Variants in TLN2 observed in about 807,000 individuals in gnomAD.
The protein encoded by TLN2 is talin-2.
TLN2 carries 118 observed loss-of-function variants against 294.7 expected under a neutral mutation model. That is an observed-to-expected ratio of 0.40 (90% CI 0.34 to 0.47). The LOEUF (loss-of-function observed/expected upper bound fraction) is 0.47. TLN2 is among the 20% of genes least tolerant of loss of function. The pLI is 0.84. For missense variants in TLN2, 3,083 were observed against 3,282.2 expected, an observed-to-expected ratio of 0.94 and a Z score of 1.48; for synonymous variants, 1,431 against 1,304.5, an observed-to-expected ratio of 1.10 and a Z score of -2.09.
chr15:62,735,281 C>T (rs1488944811), intron 28 of TLN2, among the ~76,000 whole-genome samples: 1 of 152,204 alleles, frequency 6.6e-6, no homozygotes, highest in South Asian at 2.1e-4. Context: ...AGTCTTCATC[C>T]TCTTCTTGGG....
chr15:62,824,053 G>T, intron 54 of TLN2: 1 of 502,020 alleles, frequency 2.0e-6, no homozygotes, highest in Non-Finnish European at 4.1e-6. Context: ...TGTCTCCGGG[G>T]GTTCCTAATA....
chr15:62,473,324 C>T (rs1055765078), intron 1 of TLN2, among the ~76,000 whole-genome samples: 1 of 151,944 alleles, frequency 6.6e-6, no homozygotes, highest in Non-Finnish European at 1.5e-5. Context: ...CTTGGAGGTC[C>T]CTGTCACTAA....
At chr15:62,517,042 A>G (rs964906486) in intron 1 of TLN2, among the ~76,000 whole-genome samples, 2 of 152,304 alleles carry the variant, frequency 1.3e-5, no homozygotes, top group East Asian at 1.9e-4. Flanking sequence ...CACTGTTACT[A>G]TTTCATTGAA....
chr15:62,420,939 C>G (rs1207247129), intron 1 of TLN2, among the ~76,000 whole-genome samples: 1 of 152,070 alleles, frequency 6.6e-6, no homozygotes, highest in Non-Finnish European at 1.5e-5. Flanking sequence ...TACTGAGGCT[C>G]CAGAGAAAGG....
intron 3 of TLN2, among the ~76,000 whole-genome samples, chr15:62,628,294 G>C (rs1212521701): frequency 6.6e-6 from 1 of 152,204 alleles, no homozygotes; most frequent in South Asian, 2.1e-4. Context: ...ACCTATGGGG[G>C]CTTCCCTGCC....
chr15:62,411,320 A>G (rs960880863), intron 1 of TLN2, among the ~76,000 whole-genome samples: 6 of 152,114 alleles, frequency 3.9e-5, no homozygotes, highest in Admixed American at 2.0e-4. Context: ...TCCCCAAGTA[A>G]TGAAGTTATT....
chr15:62,395,438 G>A (rs868472524), intron 1 of TLN2, among the ~76,000 whole-genome samples: 1 of 151,918 alleles, frequency 6.6e-6, no homozygotes, highest in Non-Finnish European at 1.5e-5. Context: ...CTTTTAAAAG[G>A]TTGGTAATAC....
chr15:62,787,982 G>A (rs2064813772), intron 45 of TLN2, among the ~76,000 whole-genome samples: 1 of 149,990 alleles, frequency 6.7e-6, no homozygotes, highest in Non-Finnish European at 1.5e-5. Flanking sequence ...GTGAGCCACT[G>A]TGGCCAGTCT....
chr15:62,756,010 G>T (rs528805499), intron 37 of TLN2, among the ~76,000 whole-genome samples: 3 of 152,282 alleles, frequency 2.0e-5, no homozygotes, highest in East Asian at 1.9e-4. Flanking sequence ...CTGTGCTTGC[G>T]TAGCAAATAC....
intron 32 of TLN2, among the ~76,000 whole-genome samples, chr15:62,747,363 T>C (rs2140986388): frequency 6.6e-6 from 1 of 152,338 alleles, no homozygotes; most frequent in South Asian, 2.1e-4. Context: ...TCTGTTAATG[T>C]TAACAAAGAA....
At chr15:62,402,816 C>A (rs925806890) in intron 1 of TLN2, among the ~76,000 whole-genome samples, 1 of 152,184 alleles carries the variant, frequency 6.6e-6, no homozygotes, top group Non-Finnish European at 1.5e-5. Flanking sequence ...CCAGCACACA[C>A]GTGTGAATGA....
chr15:62,411,426 T>G (rs2033767693), intron 1 of TLN2, among the ~76,000 whole-genome samples: 1 of 135,134 alleles, frequency 7.4e-6, no homozygotes, highest in African/African-American at 2.8e-5. Flanking sequence ...GTGTGAGTAA[T>G]GGATGTGTGT....
intron 1 of TLN2, among the ~76,000 whole-genome samples, chr15:62,457,910 G>C (rs1473605367): frequency 1.3e-5 from 2 of 152,182 alleles, no homozygotes; most frequent in Non-Finnish European, 2.9e-5. Context: ...TGTGTTGCTT[G>C]TCGTGACTTA....
intron 52 of TLN2, among the ~76,000 whole-genome samples, chr15:62,810,308 G>A (rs2066593494): frequency 6.6e-6 from 1 of 152,184 alleles, no homozygotes; most frequent in South Asian, 2.1e-4. Context: ...GGAAGAGGGA[G>A]CAGAGTGAAG....
intron 1 of TLN2, among the ~76,000 whole-genome samples, chr15:62,572,111 T>A (rs1216898025): frequency 1.3e-5 from 2 of 152,170 alleles, no homozygotes; most frequent in Non-Finnish European, 2.9e-5. Context: ...TCTTTCCAGG[T>A]TCTCTAGCTT....
chr15:62,518,874 A>C (rs1394341058), intron 1 of TLN2, among the ~76,000 whole-genome samples: 2 of 152,218 alleles, frequency 1.3e-5, no homozygotes, highest in African/African-American at 4.8e-5. Flanking sequence ...CAGGGATTAT[A>C]GGAGTGAGCC....
chr15:62,471,405 G>T (rs2037466354), intron 1 of TLN2, among the ~76,000 whole-genome samples: 1 of 152,172 alleles, frequency 6.6e-6, no homozygotes, highest in Non-Finnish European at 1.5e-5. Context: ...GAAGCTTTAG[G>T]TCATATATGA....
At chr15:62,676,697 C>G (rs2056239659) in intron 11 of TLN2, among the ~76,000 whole-genome samples, 1 of 152,206 alleles carries the variant, frequency 6.6e-6, no homozygotes, top group Admixed American at 6.5e-5. Flanking sequence ...TCATTGAAAC[C>G]TCTGCCTCCT....
chr15:62,825,201 C>T (rs1031363569), intron 54 of TLN2, among the ~76,000 whole-genome samples: 1 of 152,170 alleles, frequency 6.6e-6, no homozygotes, highest in African/African-American at 2.4e-5. Flanking sequence ...CCCAATCAGT[C>T]CCTCCTTCAC....
Sources: gnomAD v4.1 joint callset for allele counts (sites outside exome capture counted in the v4.1 genomes callset) on GRCh38, gnomAD v4.1.1 for gene constraint, MANE v1.5 for transcripts, NCBI Gene and HGNC (gene_info 2026-07-23, HGNC 2026-07-21) for gene names.